Variants in MGAT4C observed in about 807,000 individuals in gnomAD.
MGAT4C encodes MGAT4 family member C.
Under a neutral mutation model 40.1 loss-of-function variants are expected in MGAT4C, and 19 were observed. That is an observed-to-expected ratio of 0.47 (90% CI 0.33 to 0.70). The LOEUF is 0.70. Among genes scored for constraint, MGAT4C ranks in the 30% least tolerant of loss-of-function variants. The probability of loss-of-function intolerance (pLI) is 0.02; values close to 1 mark genes in which losing one functional copy is unlikely to be tolerated. For missense variants in MGAT4C, 491 were observed against 563.2 expected, an observed-to-expected ratio of 0.87 and a Z score of 1.30; for synonymous variants, 181 against 187.1, an observed-to-expected ratio of 0.97 and a Z score of 0.27.
intron 1 of MGAT4C, among the ~76,000 whole-genome samples, chr12:86,733,177 T>C (rs1216515822): frequency 6.6e-6 from 1 of 152,136 alleles, no homozygotes; most frequent in Non-Finnish European, 1.5e-5. Context: ...AAGAAGACTC[T>C]TTTCATTGTA....
chr12:86,171,100 G>A (rs1035525373), intron 1 of MGAT4C, among the ~76,000 whole-genome samples: 7 of 147,716 alleles, frequency 4.7e-5, no homozygotes, highest in South Asian at 2.2e-4. Context: ...GGCTGGGCGC[G>A]GTGGCTCATC....
At chr12:86,272,579 T>G (rs1042360687) in intron 4 of MGAT4C, among the ~76,000 whole-genome samples, 1 of 152,098 alleles carries the variant, frequency 6.6e-6, no homozygotes, top group Non-Finnish European at 1.5e-5. Context: ...CTCTTCCAGG[T>G]GCAGCTCATG....
intron 2 of MGAT4C, among the ~76,000 whole-genome samples, chr12:86,492,117 C>T (rs1264804387): frequency 6.6e-6 from 1 of 152,082 alleles, no homozygotes; most frequent in South Asian, 2.1e-4. Flanking sequence ...TCAAGGAGAA[C>T]TACAAACCAC....
chr12:86,491,513 T>C (rs1168173308), intron 2 of MGAT4C, among the ~76,000 whole-genome samples: 1 of 151,900 alleles, frequency 6.6e-6, no homozygotes, highest in Non-Finnish European at 1.5e-5. Flanking sequence ...ATAAACGTAA[T>C]CCAGCATATA....
chr12:86,312,374 T>C (rs1455735237), intron 4 of MGAT4C, among the ~76,000 whole-genome samples: 3 of 152,228 alleles, frequency 2.0e-5, no homozygotes, highest in African/African-American at 7.2e-5. Context: ...ATAATAGCTA[T>C]CACTCTTTGT....
At chr12:86,836,769 CT>C (rs1233735251) in intron 1 of MGAT4C, among the ~76,000 whole-genome samples, 1 of 152,060 alleles carries the variant, frequency 6.6e-6, no homozygotes, top group African/African-American at 2.4e-5. Flanking sequence ...GAATATATTG[CT>C]AAACTTCTAT....
At chr12:86,328,733 T>C (rs752177920) in intron 4 of MGAT4C, among the ~76,000 whole-genome samples, 1 of 152,192 alleles carries the variant, frequency 6.6e-6, no homozygotes, top group Non-Finnish European at 1.5e-5. Flanking sequence ...ATCTTAATTA[T>C]CTTTGATTTG....
intron 1 of MGAT4C, among the ~76,000 whole-genome samples, chr12:86,786,877 T>A (rs1009471386): frequency 6.6e-6 from 1 of 152,164 alleles, no homozygotes; most frequent in African/African-American, 2.4e-5. Context: ...TATAATACTT[T>A]CCACAACTTT....
intron 1 of MGAT4C, among the ~76,000 whole-genome samples, chr12:86,211,912 T>G (rs1002770985): frequency 5.3e-5 from 8 of 152,192 alleles, no homozygotes; most frequent in African/African-American, 1.4e-4. Flanking sequence ...AGATATTATC[T>G]TTTGCACCAT....
At chr12:86,361,419 G>C (rs1474529935) in intron 3 of MGAT4C, among the ~76,000 whole-genome samples, 3 of 152,198 alleles carry the variant, frequency 2.0e-5, no homozygotes, top group African/African-American at 7.2e-5. Flanking sequence ...TCAGGACATA[G>C]GCATGGGCAA....
chr12:86,140,471 A>G, intron 1 of MGAT4C, among the ~76,000 whole-genome samples: 1 of 152,060 alleles, frequency 6.6e-6, no homozygotes, highest in East Asian at 1.9e-4. Context: ...GAACATGTGG[A>G]CACAGGGAGG....
intron 2 of MGAT4C, among the ~76,000 whole-genome samples, chr12:86,502,697 C>G (rs897541423): frequency 2.1e-5 from 3 of 141,654 alleles, no homozygotes; most frequent in African/African-American, 7.8e-5. Context: ...CATATATATA[C>G]ACGAGATCTG....
At chr12:86,384,847 G>A (rs17367946) in intron 3 of MGAT4C, among the ~76,000 whole-genome samples, 12,902 of 152,040 alleles carry the variant, frequency 0.085, 761 homozygotes, top group Middle Eastern at 0.22. Flanking sequence ...CTTTCTTGCC[G>A]TTCATCACCA....
Position 85,967,437 on chromosome 12 carries a change from A to T in MGAT4C, c.*11852T>A, listed in dbSNP as rs1883421119. On this transcript the variant is annotated 3_prime_UTR_variant, in exon 5 of 5. Transcript: ENST00000611864. ...ACATAAAACCCATAAATTCAAGCTT[A>T]TTAGTTTTCATTTTCAGCAAGGTTT... 6.6e-6 allele frequency: 1 copy of T among 152,152 alleles called. No individual in the cohort carries two copies. The highest frequency in any genetic ancestry group is 1.5e-5 in the Non-Finnish European group (1 of 67,992). The allele number at this position is 152,152 out of a possible 1,614,324, so 9.4% of individuals were successfully genotyped here.
chr12:86,561,554 C>A (rs1399196983), intron 2 of MGAT4C, among the ~76,000 whole-genome samples: 1 of 152,168 alleles, frequency 6.6e-6, no homozygotes, highest in African/African-American at 2.4e-5. Context: ...GACTCTTGAA[C>A]TTATACCAGT....
intron 2 of MGAT4C, among the ~76,000 whole-genome samples, chr12:86,660,041 A>ATCATG (rs924759400): frequency 6.6e-6 from 1 of 152,090 alleles, no homozygotes; most frequent in African/African-American, 2.4e-5. Context: ...AAGTCATGAT[A>ATCATG]ACAAAATAAA....
intron 2 of MGAT4C, among the ~76,000 whole-genome samples, chr12:86,534,891 C>T (rs1406628298): frequency 6.6e-6 from 1 of 152,142 alleles, no homozygotes; most frequent in East Asian, 1.9e-4. Flanking sequence ...GCCTCCCTGA[C>T]TCCTAGACTG....
At chr12:86,734,254 G>T (rs1440046153) in intron 1 of MGAT4C, among the ~76,000 whole-genome samples, 2 of 152,080 alleles carry the variant, frequency 1.3e-5, no homozygotes, top group Non-Finnish European at 2.9e-5. Flanking sequence ...TCGAGACAAA[G>T]CATGCCATGT....
At chr12:86,609,521 A>C (rs1962169842) in intron 2 of MGAT4C, among the ~76,000 whole-genome samples, 1 of 152,156 alleles carries the variant, frequency 6.6e-6, no homozygotes, top group Non-Finnish European at 1.5e-5. Flanking sequence ...GTTAAGAAAC[A>C]GATATTGTCC....
Sources: gnomAD v4.1 joint callset for allele counts (sites outside exome capture counted in the v4.1 genomes callset) on GRCh38, gnomAD v4.1.1 for gene constraint, MANE v1.5 for transcripts, NCBI Gene and HGNC (gene_info 2026-07-23, HGNC 2026-07-21) for gene names.